ACTR3C: variants seen among roughly 807,000 people sequenced by gnomAD.
The protein encoded by ACTR3C is actin-related protein 3C.
ACTR3C carries 18 observed loss-of-function variants against 26.3 expected under a neutral mutation model. The ratio of observed to expected loss-of-function variants is 0.68; its 90% CI spans 0.47 to 1.01. The LOEUF is 1.01. Ranked by LOEUF, ACTR3C falls within the 50% of genes least tolerant of loss-of-function variation. The pLI is 0.00. For missense variants in ACTR3C, 184 were observed against 250.7 expected (o/e 0.73, Z 1.80); for synonymous variants, 55 against 94.5 (o/e 0.58, Z 2.42).
chr7:150,098,987 GAA>G, the ACTR3C span, among the ~76,000 whole-genome samples: 2 of 150,374 alleles, frequency 1.3e-5, no homozygotes, highest in Non-Finnish European at 3.0e-5. Flanking sequence ...ATGACCAGAA[GAA>G]AAGAGAATAA....
chr7:150,084,467 C>CG, the ACTR3C span, among the ~76,000 whole-genome samples: 104 of 151,916 alleles, frequency 6.8e-4, no homozygotes, highest in African/African-American at 2.5e-3. Context: ...GATTGTGTGG[C>CG]GGGGGGAGAG....
the ACTR3C span, among the ~76,000 whole-genome samples, chr7:149,901,949 C>G: frequency 9.1e-6 from 1 of 109,880 alleles, no homozygotes; most frequent in East Asian, 2.9e-4. Flanking sequence ...AAGAACAATT[C>G]TTTTTTCCAA....
the ACTR3C span, among the ~76,000 whole-genome samples, chr7:150,100,573 C>G: frequency 6.6e-6 from 1 of 151,754 alleles, no homozygotes; most frequent in East Asian, 1.9e-4. Context: ...ATGCCCGGAA[C>G]CTATTCATTC....
At chr7:150,032,536 T>C in the ACTR3C span, among the ~76,000 whole-genome samples, 4 of 152,116 alleles carry the variant, frequency 2.6e-5, no homozygotes, top group African/African-American at 9.7e-5. Context: ...GGAGAGAGCA[T>C]GCCTCTGTCT....
the ACTR3C span, among the ~76,000 whole-genome samples, chr7:150,111,405 G>T: frequency 1.0e-5 from 1 of 100,082 alleles, no homozygotes; most frequent in African/African-American, 5.1e-5. Flanking sequence ...CGCCCTGTGT[G>T]CACACGTGTG....
At chr7:150,199,482 G>T in the ACTR3C span, among the ~76,000 whole-genome samples, 3 of 101,896 alleles carry the variant, frequency 2.9e-5, no homozygotes, top group Non-Finnish European at 5.8e-5. Context: ...AGGCCGCAGG[G>T]TCCTCTGCCT....
the ACTR3C span, among the ~76,000 whole-genome samples, chr7:149,936,653 C>T: frequency 6.6e-6 from 1 of 152,202 alleles, no homozygotes; most frequent in Non-Finnish European, 1.5e-5. Context: ...TGATACTTGA[C>T]TATTGATTCA....
downstream of ACTR3C, chr7:150,245,643 T>G (rs892959062): frequency 3.3e-5 from 5 of 152,010 alleles, no homozygotes; most frequent in Non-Finnish European, 4.4e-5. Context: ...TATTGGTGAG[T>G]GTGAGCAATT....
chr7:150,237,642 G>A, the ACTR3C span, among the ~76,000 whole-genome samples: 13 of 152,142 alleles, frequency 8.5e-5, 1 homozygote, highest in Non-Finnish European at 1.3e-4. Context: ...CTGCTGCTGT[G>A]CTTTGGAATC....
the ACTR3C span, among the ~76,000 whole-genome samples, chr7:150,198,816 C>A: frequency 4.8e-5 from 7 of 146,862 alleles, no homozygotes; most frequent in East Asian, 1.2e-3. Flanking sequence ...GGGGGTCAGC[C>A]CCCCGCCCGG....
chr7:150,043,750 G>C, the ACTR3C span, among the ~76,000 whole-genome samples: 1 of 152,112 alleles, frequency 6.6e-6, no homozygotes, highest in Non-Finnish European at 1.5e-5. Context: ...TCATTTATTA[G>C]GAAAATCATG....
chr7:150,227,688 G>GTTTTTTTTTTTTTTT, the ACTR3C span, among the ~76,000 whole-genome samples: 52 of 111,352 alleles, frequency 4.7e-4, 1 homozygote, highest in African/African-American at 1.6e-3. Flanking sequence ...TTGTGTCTGG[G>GTTTTTTTTTTTTTTT]TTTTTTTTTT....
the ACTR3C span, among the ~76,000 whole-genome samples, chr7:150,223,498 G>GT: frequency 7.0e-6 from 1 of 142,598 alleles, no homozygotes. Flanking sequence ...TTGTTTGTTT[G>GT]TTTTTAGAAA....
intron 2 of ACTR3C, among the ~76,000 whole-genome samples, chr7:150,294,762 G>T (rs1479354443): frequency 1.3e-5 from 2 of 151,672 alleles, no homozygotes; most frequent in Admixed American, 6.6e-5. Context: ...CCTTACATAA[G>T]GTGGCAGGCA....
At chr7:150,222,506 T>A in the ACTR3C span, among the ~76,000 whole-genome samples, 1,584 of 152,292 alleles carry the variant, frequency 0.01, 24 homozygotes, top group African/African-American at 0.036. Flanking sequence ...TTACAGACAC[T>A]ATTGCTCAAT....
At chr7:150,310,104 C>T (rs1426015892) in intron 1 of ACTR3C, among the ~76,000 whole-genome samples, 6 of 152,264 alleles carry the variant, frequency 3.9e-5, no homozygotes, top group Admixed American at 2.0e-4. Flanking sequence ...GCCCAGTTCC[C>T]TTATTAGGCT....
the ACTR3C span, among the ~76,000 whole-genome samples, chr7:149,967,937 C>T: frequency 1.1e-4 from 17 of 152,254 alleles, no homozygotes; most frequent in Middle Eastern, 3.4e-3. Flanking sequence ...ATGTTAGGTC[C>T]TCAACAAGGT....
chr7:149,979,945 T>A, the ACTR3C span, among the ~76,000 whole-genome samples: 2 of 145,050 alleles, frequency 1.4e-5, no homozygotes, highest in Non-Finnish European at 3.0e-5. Flanking sequence ...TGGAGAAGAA[T>A]TAAGAATGAG....
At chr7:150,320,632 G>A (rs1436551769) in intron 1 of ACTR3C, among the ~76,000 whole-genome samples, 1 of 152,046 alleles carries the variant, frequency 6.6e-6, no homozygotes, top group Non-Finnish European at 1.5e-5. Context: ...GTAAAGTGGC[G>A]CACATCTGTA....
Sources: gnomAD v4.1 joint callset for allele counts (sites outside exome capture counted in the v4.1 genomes callset) on GRCh38, gnomAD v4.1.1 for gene constraint, MANE v1.5 for transcripts, NCBI Gene and HGNC (gene_info 2026-07-23, HGNC 2026-07-21) for gene names.